Variants in CRAMP1 observed in about 807,000 individuals in gnomAD.
The protein encoded by CRAMP1 is protein cramped-like.
A neutral mutation model predicts 115.4 loss-of-function variants in CRAMP1; 50 were observed. The observed-to-expected ratio is 0.43, with a 90% CI of 0.35 to 0.55. The LOEUF (loss-of-function observed/expected upper bound fraction) is 0.55. CRAMP1 is among the 20% of genes least tolerant of loss of function. The pLI is 0.01. For missense variants in CRAMP1, 1,679 were observed against 1,721.7 expected (o/e 0.98, Z 0.44); for synonymous variants, 866 against 745.4 (o/e 1.16, Z -2.64).
rs2036926871 is a variant in CRAMP1, at chr16:1,671,975, G to T, written c.3645+1166G>T. Among the ~76,000 whole-genome samples the T allele has an allele frequency of 6.6e-6, 1 of 152,162 alleles. No individual in the cohort carries two copies. Among genetic ancestry groups the T allele is most frequent in the Admixed American group, 6.5e-5 (1 of 15,278 alleles). On this transcript the variant is annotated intron_variant, in intron 20 of 20. Coordinates refer to ENST00000397412, the MANE Select transcript of CRAMP1 (RefSeq NM_020825.4). This position sits in a 1 kb window ranked among gnomAD's most constrained non-coding sequence, Gnocchi z 5.0. ...GTTTGGCCCCAGAATCATTATTCAG[G>T]GCACACCTTGGACTCTGATGTTTCC...
chr16:1,625,013 C>T (rs753980687), intron 2 of CRAMP1, among the ~76,000 whole-genome samples: 8 of 152,206 alleles, frequency 5.3e-5, no homozygotes, highest in Non-Finnish European at 8.8e-5. Context: ...AGGAGTGAGC[C>T]ACCACGCCTA....
intron 6 of CRAMP1, among the ~76,000 whole-genome samples, chr16:1,645,900 A>G (rs2036670522): frequency 6.6e-6 from 1 of 152,082 alleles, no homozygotes; most frequent in Admixed American, 6.6e-5. Context: ...CAAGATATGG[A>G]ACGCTGCCAG....
In CRAMP1 at chr16:1,643,645, C is replaced by T. The variant is rs568086809; in HGVS notation, c.827+2458C>T. ...CTGTACTCAGTAGCATGTGTGCTAG[C>T]GCCCCTCCAGCCTCATCCTCCCGGG... is the stretch of plus-strand genomic sequence containing the variant. On this transcript the variant is annotated intron_variant, in intron 6 of 20. Coordinates refer to ENST00000397412, the MANE Select transcript of CRAMP1 (RefSeq NM_020825.4). Among the ~76,000 whole-genome samples the T allele has an allele frequency of 5.3e-5, 8 of 152,218 alleles. 1 individual carries two copies. The South Asian group carries it at 1.2e-3, about 24-fold the overall frequency.
intron 2 of CRAMP1, among the ~76,000 whole-genome samples, chr16:1,617,698 G>A (rs1485866497): frequency 6.6e-6 from 1 of 152,228 alleles, no homozygotes; most frequent in African/African-American, 2.4e-5. Flanking sequence ...GAAAGGACTT[G>A]TGGAGAAAAG....
Position 1,614,523 on chromosome 16 carries a change from G to A in CRAMP1, c.-1-116G>A. ...GGCGGGCTCGGGCGGGCCGGGCCGA[G>A]CCGCCGAGAGGGGATTTGGAACAAA... On this transcript the variant is annotated intron_variant, in intron 1 of 20. Coordinates refer to ENST00000397412, the MANE Select transcript of CRAMP1 (RefSeq NM_020825.4). This position sits in a 1 kb window ranked among gnomAD's most constrained non-coding sequence, Gnocchi z 4.4. 1.9e-6 allele frequency: 1 copy of A among 526,492 alleles called. No homozygotes were observed. Among genetic ancestry groups the A allele is most frequent in the Non-Finnish European group, 2.7e-6 (1 of 377,222 alleles). 32.6% of individuals were successfully genotyped at this position (526,492 alleles called of 1,614,324 possible). A position where few individuals can be genotyped will look rare whatever the true frequency, so the allele number is the denominator to read the frequency against.
rs2036505777 is a variant in CRAMP1, at chr16:1,626,052, C to T, written c.426C>T (p.Ser142=). Residue 142 remains serine (S), a synonymous_variant, in exon 3 of 21, where the codon TCC becomes TCT. Coordinates refer to ENST00000397412, the MANE Select transcript of CRAMP1 (RefSeq NM_020825.4). ...PAAPAGGSRS[S]SRNLGSSGGE... ...CCCCTGCAGGGGGCTCGCGCTCCTC[C>T]TCCCGGAACTTAGGGTCTTCTGGTG... 7 of 1,551,472 alleles carry T rather than the reference C, an allele frequency of 4.5e-6. No individual in the cohort carries two copies. Among genetic ancestry groups the T allele is most frequent in the African/African-American group, 1.4e-5 (1 of 73,064 alleles).
chr16:1,632,068 C>A, intron 3 of CRAMP1, 144 bp from the exon 4 acceptor site: 2 of 846,344 alleles, frequency 2.4e-6, no homozygotes, highest in Non-Finnish European at 3.6e-6. Context: ...CAAGTTCATA[C>A]ACAGATAAGA....
chr16:1,669,225 G>A lies in CRAMP1; in HGVS notation c.3499+60G>A, dbSNP rs911731215. 48 of 1,322,898 alleles carry A rather than the reference G, an allele frequency of 3.6e-5. No homozygotes were observed. Among genetic ancestry groups the A allele is most frequent in the Admixed American group, 1.2e-4 (4 of 34,720 alleles). The allele number at this position is 1,322,898 out of a possible 1,614,324, so 81.9% of individuals were successfully genotyped here. On this transcript the variant is annotated intron_variant, in intron 19 of 20. Coordinates refer to ENST00000397412, the MANE Select transcript of CRAMP1 (RefSeq NM_020825.4). The surrounding 1 kb of genome is among the most constrained non-coding windows in gnomAD (Gnocchi z 4.6). ...CAGGGCAGCAGGGGCTGGGGTCTGC[G>A]GGACACTGGATTCTCATTCTACTCA...
chr16:1,646,493 G>C (rs1428247098), intron 6 of CRAMP1, among the ~76,000 whole-genome samples: 1 of 152,202 alleles, frequency 6.6e-6, no homozygotes, highest in Non-Finnish European at 1.5e-5. Flanking sequence ...CTTATTTGCT[G>C]TGTGTCTTTG....
chr16:1,649,951 G>T (rs2036709512), intron 6 of CRAMP1, among the ~76,000 whole-genome samples: 1 of 151,860 alleles, frequency 6.6e-6, no homozygotes, highest in African/African-American at 2.4e-5. Flanking sequence ...ATGCCACCAT[G>T]CCCGGCTAAT....
At chr16:1,640,220 A>G (rs1596487850) in intron 5 of CRAMP1, among the ~76,000 whole-genome samples, 1 of 152,046 alleles carries the variant, frequency 6.6e-6, no homozygotes, top group Non-Finnish European at 1.5e-5. Context: ...GTTATTATTA[A>G]TCTGAAAATT....
intron 11 of CRAMP1, 91 bp from the exon 12 acceptor site, chr16:1,662,399 C>A: frequency 9.3e-7 from 1 of 1,071,094 alleles, no homozygotes; most frequent in Non-Finnish European, 1.4e-6. Context: ...AAGAGAATGT[C>A]TTTCTGACTT....
In CRAMP1 at chr16:1,666,603, G is replaced by A. The variant is rs769971261; in HGVS notation, c.3036+3G>A. The A allele has an allele frequency of 6.2e-7, 1 of 1,613,474 alleles. No individual in the cohort carries two copies. The highest frequency in any genetic ancestry group is 8.5e-7 in the Non-Finnish European group (1 of 1,179,544). On this transcript the variant is annotated splice_donor_region_variant and intron_variant, in intron 16 of 20. Transcript: ENST00000397412. This position sits in a 1 kb window ranked among gnomAD's most constrained non-coding sequence, Gnocchi z 5.0. ...GAGACACCCTCCCCACCGTGGGGGT[G>A]AGTATGTTTAGAAGGGCTTTTCAGC...
At chr16:1,616,255 C>T (rs2036418102) in intron 2 of CRAMP1, among the ~76,000 whole-genome samples, 1 of 152,150 alleles carries the variant, frequency 6.6e-6, no homozygotes, top group Non-Finnish European at 1.5e-5. Context: ...TGTCTAAGCT[C>T]ATATAAGCTC....
At chr16:1,619,136 A>G (rs2036445202) in intron 2 of CRAMP1, among the ~76,000 whole-genome samples, 1 of 152,240 alleles carries the variant, frequency 6.6e-6, no homozygotes, top group Non-Finnish European at 1.5e-5. Context: ...AGTGGTGTGT[A>G]GAAGCTCTTT....
At chr16:1,640,708 C>T (rs1232484106) in intron 5 of CRAMP1, among the ~76,000 whole-genome samples, 3 of 152,236 alleles carry the variant, frequency 2.0e-5, no homozygotes, top group African/African-American at 4.8e-5. Context: ...CACTGTGGGC[C>T]GGAAGGTCAA....
At chr16:1,645,944 A>T (rs974542825) in intron 6 of CRAMP1, among the ~76,000 whole-genome samples, 2 of 150,980 alleles carry the variant, frequency 1.3e-5, no homozygotes, top group Admixed American at 6.6e-5. Flanking sequence ...CCTCCCCCAC[A>T]CCTTGCCCCA....
At chr16:1,633,320 C>T (rs1395183972) in intron 4 of CRAMP1, among the ~76,000 whole-genome samples, 3 of 152,240 alleles carry the variant, frequency 2.0e-5, no homozygotes, top group African/African-American at 4.8e-5. Flanking sequence ...CCCTGAGGGC[C>T]GCAGACACCC....
chr16:1,652,375 G>A lies in CRAMP1; in HGVS notation c.828-121G>A, dbSNP rs1483813290. 2.6e-5 allele frequency: 20 copies of A among 765,724 alleles called. No individual in the cohort carries two copies. In the East Asian group the frequency reaches 4.9e-4, roughly 19 times the overall value. 47.4% of individuals were successfully genotyped at this position (765,724 alleles called of 1,614,324 possible). On this transcript the variant is annotated intron_variant, in intron 6 of 20. Coordinates refer to ENST00000397412, the MANE Select transcript of CRAMP1 (RefSeq NM_020825.4). ...CCCACTGTCCTACGCGGGCTCGAGA[G>A]GCTGGGGTGGATGCTTGGCCAGGCC... is the stretch of plus-strand genomic sequence containing the variant.
Sources: allele counts gnomAD v4.1 joint callset (sites outside exome capture counted in the v4.1 genomes callset), GRCh38; gene constraint gnomAD v4.1.1; non-coding constraint Gnocchi (gnomAD v3.1); transcripts MANE v1.5; gene names NCBI Gene and HGNC (gene_info 2026-07-23, HGNC 2026-07-21).